Variants in RANBP2 observed in about 807,000 individuals in gnomAD.
RANBP2 encodes RAN binding protein 2.
Under a neutral mutation model 303.6 loss-of-function variants are expected in RANBP2, and 57 were observed. That is an observed-to-expected ratio of 0.19 (90% CI 0.15 to 0.23). RANBP2 has a LOEUF of 0.23. Ranked by LOEUF, RANBP2 falls within the 10% of genes least tolerant of loss-of-function variation. The pLI is 1.00. For synonymous variants in RANBP2, 1,167 were observed against 1,301.5 expected (o/e 0.90, Z 2.23); for missense variants, 3,138 against 3,780.8 (o/e 0.83, Z 4.46).
the RANBP2 span, among the ~76,000 whole-genome samples, chr2:109,337,694 G>T: frequency 6.6e-6 from 1 of 151,902 alleles, no homozygotes; most frequent in Non-Finnish European, 1.5e-5. Context: ...ATGCTACCAG[G>T]TGGGTTATCT....
At chr2:109,078,129 ATATATAGCGTGTATATATATAGCATG>A in the RANBP2 span, among the ~76,000 whole-genome samples, 3 of 103,222 alleles carry the variant, frequency 2.9e-5, 1 homozygote, top group African/African-American at 7.0e-5. Flanking sequence ...GCGTGTATAT[ATATATAGCGTGTATATATATAGCATG>A]TATATATATA....
chr2:108,963,274 G>T, the RANBP2 span, among the ~76,000 whole-genome samples: 1 of 152,282 alleles, frequency 6.6e-6, no homozygotes, highest in South Asian at 2.1e-4. Context: ...AAATGATCAC[G>T]CACTACACAC....
At chr2:108,813,248 C>CAAAAAAAAA in the RANBP2 span, among the ~76,000 whole-genome samples, 16 of 63,544 alleles carry the variant, frequency 2.5e-4, no homozygotes, top group Non-Finnish European at 2.8e-4. Context: ...GACTCCGTCT[C>CAAAAAAAAA]AAAAAAAAAA....
the RANBP2 span, among the ~76,000 whole-genome samples, chr2:109,652,588 C>T: frequency 6.6e-6 from 1 of 152,150 alleles, no homozygotes; most frequent in Non-Finnish European, 1.5e-5. Context: ...AGAAGGAAGT[C>T]ACGTTTCACA....
At chr2:109,053,226 T>G in the RANBP2 span, among the ~76,000 whole-genome samples, 1 of 152,224 alleles carries the variant, frequency 6.6e-6, no homozygotes, top group Admixed American at 6.5e-5. Context: ...TTTGTTGTGT[T>G]CAGACTCCCC....
the RANBP2 span, among the ~76,000 whole-genome samples, chr2:108,850,390 T>C: frequency 6.6e-6 from 1 of 152,210 alleles, no homozygotes; most frequent in South Asian, 2.1e-4. Context: ...TACCTAGTTA[T>C]ATTGAATAGA....
chr2:109,676,955 G>T, the RANBP2 span, among the ~76,000 whole-genome samples: 2 of 152,154 alleles, frequency 1.3e-5, no homozygotes, highest in African/African-American at 4.8e-5. Context: ...AGAAAAAAAT[G>T]TATTTTTTTT....
At chr2:109,314,944 A>T in the RANBP2 span, among the ~76,000 whole-genome samples, 2 of 152,186 alleles carry the variant, frequency 1.3e-5, no homozygotes, top group Non-Finnish European at 2.9e-5. Context: ...TATGAATCTC[A>T]TTCTTGGCAA....
chr2:108,851,943 T>G, the RANBP2 span, among the ~76,000 whole-genome samples: 1 of 152,180 alleles, frequency 6.6e-6, no homozygotes, highest in Non-Finnish European at 1.5e-5. Context: ...GCCAAAACGA[T>G]ACAATCTGCA....
the RANBP2 span, among the ~76,000 whole-genome samples, chr2:109,514,078 G>A: frequency 6.6e-5 from 10 of 152,292 alleles, no homozygotes; most frequent in South Asian, 2.1e-4. Context: ...ATGTTCCCAC[G>A]GTCCTTAGAA....
chr2:109,298,466 C>T, the RANBP2 span, among the ~76,000 whole-genome samples: 2 of 152,078 alleles, frequency 1.3e-5, no homozygotes, highest in Admixed American at 6.5e-5. Context: ...AGGGAAAAAC[C>T]ATTTCTGAGC....
chr2:108,961,986 T>C, the RANBP2 span, among the ~76,000 whole-genome samples: 1 of 152,226 alleles, frequency 6.6e-6, no homozygotes, highest in African/African-American at 2.4e-5. Context: ...AGCTGTAAGA[T>C]AAGTCATGAG....
At chr2:109,620,107 ATG>A in the RANBP2 span, among the ~76,000 whole-genome samples, 1 of 152,224 alleles carries the variant, frequency 6.6e-6, no homozygotes, top group African/African-American at 2.4e-5. Flanking sequence ...TTGGTAAGGA[ATG>A]TGTGACAAAT....
At chr2:109,062,419 C>T in the RANBP2 span, among the ~76,000 whole-genome samples, 1 of 152,278 alleles carries the variant, frequency 6.6e-6, no homozygotes, top group East Asian at 1.9e-4. Context: ...GGAGGGGCCT[C>T]TTCCACTAGT....
chr2:109,570,639 A>C, the RANBP2 span, among the ~76,000 whole-genome samples: 1 of 147,942 alleles, frequency 6.8e-6, no homozygotes, highest in East Asian at 2.1e-4. Context: ...ATTCTGCCTC[A>C]GCCTCCCGAG....
chr2:109,501,631 G>A, the RANBP2 span: 62 of 776,570 alleles, frequency 8.0e-5, no homozygotes, highest in Admixed American at 6.5e-4. Context: ...CGGAACGGCC[G>A]CACAGGCCTC....
chr2:109,337,175 G>T, the RANBP2 span, among the ~76,000 whole-genome samples: 16 of 152,192 alleles, frequency 1.1e-4, no homozygotes, highest in Non-Finnish European at 1.5e-5. Context: ...CTCATAGGGT[G>T]ATTTTTTCCT....
At chr2:109,721,331 G>A in the RANBP2 span, among the ~76,000 whole-genome samples, 138 of 152,246 alleles carry the variant, frequency 9.1e-4, no homozygotes, top group Non-Finnish European at 1.7e-3. Context: ...TCCACACTGC[G>A]CCACAGGCTG....
At chr2:109,710,509 C>A in the RANBP2 span, among the ~76,000 whole-genome samples, 1 of 152,086 alleles carries the variant, frequency 6.6e-6, no homozygotes, top group Non-Finnish European at 1.5e-5. Context: ...AAAAGTATAC[C>A]TGGGCCAAGC....
Sources: gnomAD v4.1 joint callset for allele counts (sites outside exome capture counted in the v4.1 genomes callset) on GRCh38, gnomAD v4.1.1 for gene constraint, MANE v1.5 for transcripts, NCBI Gene and HGNC (gene_info 2026-07-23, HGNC 2026-07-21) for gene names.